The following EPRS1 variants were observed in gnomAD, a reference collection of about 807,000 sequenced individuals.
EPRS1 encodes glutamyl-prolyl-tRNA synthetase 1.
In EPRS1, 107 loss-of-function variants were observed where a neutral mutation model predicts 188.3. The observed-to-expected ratio is 0.57, with a 90% confidence interval of 0.49 to 0.67. The LOEUF is 0.67. Among genes scored for constraint, EPRS1 ranks in the 30% least tolerant of loss-of-function variants. The pLI is 0.00. For missense variants in EPRS1, 1,577 were observed against 1,802.2 expected (o/e 0.88, Z 2.26); for synonymous variants, 596 against 593.1 (o/e 1.00, Z -0.07).
chr1:219,972,286 A>G, intron 29 of EPRS1, 139 bp from the exon 30 acceptor site: 1 of 540,780 alleles, frequency 1.8e-6, no homozygotes, highest in South Asian at 3.0e-5. Flanking sequence ...TCTATCACTC[A>G]TAGTGACCAT....
At position 219,980,117 on chromosome 1, in the gene EPRS1, C is replaced by T. The variant is rs1279946462; in HGVS notation, c.3679G>A (p.Ala1227Thr). Residue 1227 changes from alanine to threonine, a missense_variant, in exon 26 of 32, where the codon GCA becomes ACA. Around this residue, in one of 3 missense-constraint regions of EPRS1, gnomAD observed 1,278 missense variants for 1,457.4 expected, o/e 0.88. Coordinates refer to ENST00000366923, the MANE Select transcript of EPRS1 (RefSeq NM_004446.3). ...AGGDYTTTIEAFISASGRAIQ... is the reference protein window; with the variant it reads ...AGGDYTTTIETFISASGRAIQ... The stretch of plus-strand genomic sequence containing the variant: ...GCTCTTCCACTAGCAGATATAAATG[C>T]TTCTATTGTAGTTGTATAGTCTCCT... 7 of 1,613,670 alleles carry T rather than the reference C, an allele frequency of 4.3e-6. No homozygotes were observed. Among genetic ancestry groups the T allele is most frequent in the East Asian group, 4.5e-5 (2 of 44,840 alleles).
chr1:219,987,063 T>G (rs1661020028), intron 20 of EPRS1, 79 bp downstream of exon 20: 1 of 1,459,958 alleles, frequency 6.8e-7, no homozygotes. Flanking sequence ...GTTAAACCAG[T>G]CAAAATTTGT....
intron 3 of EPRS1, among the ~76,000 whole-genome samples, chr1:220,034,477 T>C (rs1558061906): frequency 6.6e-6 from 1 of 152,198 alleles, no homozygotes; most frequent in Non-Finnish European, 1.5e-5. Context: ...GCTAATTTAC[T>C]ACTGAAATAA....
At chr1:220,027,701 C>A (rs557670654) in intron 6 of EPRS1, among the ~76,000 whole-genome samples, 1 of 151,212 alleles carries the variant, frequency 6.6e-6, no homozygotes, top group South Asian at 2.1e-4. Context: ...AAGGGCTGTA[C>A]GCCGGGTGCA....
rs571725952 is a variant in EPRS1, at chr1:220,035,088, G to C, written c.132-75C>G. 21 of 716,674 alleles carry C rather than the reference G, an allele frequency of 2.9e-5. No homozygotes were observed. In the East Asian group the frequency reaches 5.1e-4, roughly 17 times the overall value. The allele number at this position is 716,674 out of a possible 1,614,324, so 44.4% of individuals were successfully genotyped here. ...TAAGTCATGAGACTTATGAAGAAATGTAAAAATGGAAACTTTATTATATTT... is the reference window on the plus strand; with the variant it reads ...TAAGTCATGAGACTTATGAAGAAATCTAAAAATGGAAACTTTATTATATTT... On this transcript the variant is annotated intron_variant, in intron 2 of 31. Coordinates refer to ENST00000366923, the MANE Select transcript of EPRS1 (RefSeq NM_004446.3).
Position 220,010,918 on chromosome 1 carries a change from A to C in EPRS1, c.1605+28T>G, listed in dbSNP as rs768693833. ...CCTGCTCCTTCTTTTAACAGAGAGA[A>C]ACACATTGGTGAAACTGTAAGAGTG... On this transcript the variant is annotated intron_variant, in intron 13 of 31. Coordinates refer to ENST00000366923, the MANE Select transcript of EPRS1 (RefSeq NM_004446.3). 3 of 1,305,126 alleles carry C rather than the reference A, an allele frequency of 2.3e-6. No individual in the cohort carries two copies. In the Admixed American group the frequency reaches 5.1e-5, roughly 22 times the overall value. 80.8% of individuals were successfully genotyped at this position (1,305,126 alleles called of 1,614,324 possible). A position where few individuals can be genotyped will look rare whatever the true frequency, so the allele number is the denominator to read the frequency against.
intron 2 of EPRS1, among the ~76,000 whole-genome samples, chr1:220,038,257 T>C (rs1662225406): frequency 6.6e-6 from 1 of 151,846 alleles, no homozygotes; most frequent in Non-Finnish European, 1.5e-5. Context: ...AAGTTTTGTA[T>C]TTTTAGTAGA....
intron 13 of EPRS1, among the ~76,000 whole-genome samples, chr1:220,009,785 G>A (rs1661564566): frequency 6.6e-6 from 1 of 152,058 alleles, no homozygotes; most frequent in African/African-American, 2.4e-5. Flanking sequence ...GTACTCTATG[G>A]TACTTGTATT....
intron 30 of EPRS1, 78 bp from the exon 31 acceptor site, chr1:219,969,200 T>C: frequency 9.4e-7 from 1 of 1,060,620 alleles, no homozygotes; most frequent in Non-Finnish European, 1.4e-6. Flanking sequence ...TTGAGTTCTA[T>C]ATTAAACTGG....
intron 29 of EPRS1, among the ~76,000 whole-genome samples, chr1:219,972,358 T>A (rs1260712503): frequency 3.3e-5 from 5 of 152,198 alleles, no homozygotes; most frequent in Non-Finnish European, 7.3e-5. Flanking sequence ...GGGAAATGTG[T>A]TAAGCACACA....
chr1:219,994,012 A>G lies in EPRS1; in HGVS notation c.2541+2971T>C, dbSNP rs537333896. ...GGGTTCGTTCTTTAGAAGAGAAGAA[A>G]CATTTACTACTATTAGCATTCGGAG... On this transcript the variant is annotated intron_variant, in intron 18 of 31. Coordinates refer to ENST00000366923, the MANE Select transcript of EPRS1 (RefSeq NM_004446.3). Among the ~76,000 whole-genome samples, 37 of 152,322 alleles carry G rather than the reference A, an allele frequency of 2.4e-4. 1 individual carries two copies. In the South Asian group the frequency reaches 7.5e-3, roughly 31 times the overall value.
rs769536876 is a variant in EPRS1, at chr1:220,030,496, A to T, written c.529-16T>A. On this transcript the variant is annotated splice_polypyrimidine_tract_variant and intron_variant, in intron 5 of 31. Transcript: ENST00000366923. ...TCTCAGGTGCCTGAAAAACACAACCACCATCACAACAAAAAGTCTTATGGT... is the reference window on the plus strand; with the variant it reads ...TCTCAGGTGCCTGAAAAACACAACCTCCATCACAACAAAAAGTCTTATGGT... 11 of 1,592,144 alleles carry T rather than the reference A, an allele frequency of 6.9e-6. No individual in the cohort carries two copies. The South Asian group carries it at 1.2e-4, about 18-fold the overall frequency.
chr1:219,978,556 C>A lies in EPRS1; in HGVS notation c.4073G>T (p.Trp1358Leu). Residue 1358 changes from tryptophan to leucine, a missense_variant, in exon 28 of 32, where the codon TGG becomes TTG. Around this residue, in one of 3 missense-constraint regions of EPRS1, gnomAD observed 296 missense variants for 327.9 expected, o/e 0.90. Coordinates refer to ENST00000366923, the MANE Select transcript of EPRS1 (RefSeq NM_004446.3). ...NYSPGWKFNH[W>L]ELKGVPIRLE... ...AGCTTAGGAATTTACCTTGAGCTCC[C>A]AGTGATTGAATTTCCAACCTGGAGA... 1 of 1,569,618 alleles carries A rather than the reference C, an allele frequency of 6.4e-7. No homozygotes were observed. The highest frequency in any genetic ancestry group is 8.7e-7 in the Non-Finnish European group (1 of 1,154,094).
At chr1:219,987,430 G>C (rs1292333177) in intron 19 of EPRS1, 26 bp from the exon 20 acceptor site, 1 of 1,561,246 alleles carries the variant, frequency 6.4e-7, no homozygotes, top group Non-Finnish European at 8.7e-7. Context: ...AGAGGAAAAA[G>C]AGAAGACAGT....
chr1:220,035,317 AT>A (rs1362568657), intron 2 of EPRS1, among the ~76,000 whole-genome samples: 1 of 151,790 alleles, frequency 6.6e-6, no homozygotes, highest in Non-Finnish European at 1.5e-5. Flanking sequence ...CGACAGGCTA[AT>A]TTTTTGTATT....
intron 23 of EPRS1, chr1:219,982,462 T>C (rs1498393): frequency 0.36 from 72,930 of 203,556 alleles, 13,187 homozygotes; most frequent in East Asian, 0.4. Context: ...ATTTGCAATA[T>C]TATAATCAAT....
At chr1:219,999,730 T>C (rs1661306811) in intron 17 of EPRS1, among the ~76,000 whole-genome samples, 1 of 152,040 alleles carries the variant, frequency 6.6e-6, no homozygotes, top group African/African-American at 2.4e-5. Context: ...TCCCAGTACT[T>C]TGGGAGGCCG....
chr1:219,974,179 ACTGATCTGCCGGCCTCAG>A lies in EPRS1; in HGVS notation c.4084-799_4084-782del, dbSNP rs1345740010. Among the ~76,000 whole-genome samples the A allele has an allele frequency of 2.0e-5, 3 of 152,256 alleles. No homozygotes were observed. The East Asian group carries it at 5.8e-4, about 29-fold the overall frequency. ...GGCTGGTGTCGAACACCTGGCCTCA[ACTGATCTGCCGGCCTCAG>A]CCTCTCAAATTGCTGGGATTATAGA... On this transcript the variant is annotated intron_variant, in intron 28 of 31. Coordinates refer to ENST00000366923, the MANE Select transcript of EPRS1 (RefSeq NM_004446.3).
intron 15 of EPRS1, 58 bp from the exon 16 acceptor site, chr1:220,005,418 T>C: frequency 1.1e-6 from 1 of 877,704 alleles, no homozygotes; most frequent in Admixed American, 2.4e-5. Context: ...GTAAAATAAC[T>C]CTAAAATGCA....
Sources: allele counts gnomAD v4.1 joint callset (sites outside exome capture counted in the v4.1 genomes callset), GRCh38; gene constraint gnomAD v4.1.1; regional missense constraint gnomAD v4.1.1; transcripts MANE v1.5; gene names NCBI Gene and HGNC (gene_info 2026-07-23, HGNC 2026-07-21).